The following COL25A1 variants were observed in gnomAD, a reference collection of about 807,000 sequenced individuals.
The protein encoded by COL25A1 is collagen type XXV alpha 1 chain, also known as collagen alpha-1(XXV) chain.
A neutral mutation model predicts 128.4 loss-of-function variants in COL25A1; 103 were observed. That is an observed-to-expected ratio of 0.80 (90% CI 0.68 to 0.94). The LOEUF is 0.94. Among genes scored for constraint, COL25A1 ranks in the 40% least tolerant of loss-of-function variants. The pLI, the probability that COL25A1 is intolerant of heterozygous loss-of-function variation, is 0.00. For missense variants in COL25A1, 745 were observed against 840.0 expected, an observed-to-expected ratio of 0.89 and a Z score of 1.40; for synonymous variants, 279 against 277.2, an observed-to-expected ratio of 1.01 and a Z score of -0.06.
At chr4:109,219,626 T>C (rs1778279669) in intron 3 of COL25A1, among the ~76,000 whole-genome samples, 1 of 152,156 alleles carries the variant, frequency 6.6e-6, no homozygotes, top group African/African-American at 2.4e-5. Flanking sequence ...ACGCCCTTAT[T>C]TTCAATAATT....
At chr4:109,135,911 C>A (rs972741492) in intron 3 of COL25A1, among the ~76,000 whole-genome samples, 1 of 152,172 alleles carries the variant, frequency 6.6e-6, no homozygotes. Flanking sequence ...ACTGTACAGA[C>A]TATACGCAGC....
intron 5 of COL25A1, among the ~76,000 whole-genome samples, chr4:109,013,413 T>C (rs965857443): frequency 6.6e-6 from 1 of 152,020 alleles, no homozygotes; most frequent in Non-Finnish European, 1.5e-5. Flanking sequence ...CAGCAGGATG[T>C]GGGTGGGGCC....
In COL25A1 at chr4:109,007,929, CT is replaced by C. The variant is rs371726409; in HGVS notation, c.438+2428del. On this transcript the variant is annotated intron_variant, in intron 6 of 37. Coordinates refer to ENST00000399132, the MANE Select transcript of COL25A1 (RefSeq NM_198721.4). The stretch of plus-strand genomic sequence containing the variant: ...TCTGTTTATTAACTGTGGCTGTATA[CT>C]CAAGATTTACTATGACTGTGTTTCT... 1.1e-4 allele frequency among the ~76,000 whole-genome samples: 16 copies of C among 152,324 alleles called. No homozygotes were observed. In the East Asian group the frequency reaches 1.7e-3, roughly 17 times the overall value.
intron 6 of COL25A1, among the ~76,000 whole-genome samples, chr4:109,005,285 A>T (rs1755855538): frequency 1.3e-5 from 2 of 152,164 alleles, no homozygotes; most frequent in African/African-American, 2.4e-5. Context: ...AGTCAGAAGA[A>T]CAGCACCAAG....
chr4:109,059,282 C>T (rs941073746), intron 3 of COL25A1, among the ~76,000 whole-genome samples: 3 of 152,164 alleles, frequency 2.0e-5, no homozygotes, highest in African/African-American at 4.8e-5. Flanking sequence ...AAGATTTGCT[C>T]AACAGCACAT....
intron 14 of COL25A1, among the ~76,000 whole-genome samples, chr4:108,900,909 A>T (rs1418112377): frequency 6.6e-6 from 1 of 152,152 alleles, no homozygotes; most frequent in Non-Finnish European, 1.5e-5. Flanking sequence ...ATCACATCCC[A>T]TTTATTTTTC....
intron 5 of COL25A1, among the ~76,000 whole-genome samples, chr4:109,034,796 A>G (rs1490336518): frequency 6.6e-6 from 1 of 152,208 alleles, no homozygotes; most frequent in Non-Finnish European, 1.5e-5. Context: ...TATATGCATC[A>G]CTTTGAAAGT....
At chr4:109,177,224 C>T (rs939467909) in intron 3 of COL25A1, among the ~76,000 whole-genome samples, 1 of 152,112 alleles carries the variant, frequency 6.6e-6, no homozygotes, top group Non-Finnish European at 1.5e-5. Flanking sequence ...TCTGTCGTTG[C>T]CTAGTTGCGT....
At chr4:108,850,870 A>G (rs1291147458) in intron 26 of COL25A1, among the ~76,000 whole-genome samples, 1 of 152,142 alleles carries the variant, frequency 6.6e-6, no homozygotes, top group Non-Finnish European at 1.5e-5. Context: ...TTTACCTAGG[A>G]GGTCCTTTTT....
In COL25A1 at chr4:108,930,406, C is replaced by T. The variant is rs143873064; in HGVS notation, c.708+7402G>A. 2.1e-3 allele frequency among the ~76,000 whole-genome samples: 322 copies of T among 152,278 alleles called. 2 individuals carry two copies. The highest frequency in any genetic ancestry group is 7.4e-3 in the African/African-American group (308 of 41,546). ...GTACTAAGGACTCCAGAATTCTCTG[C>T]CCCAATGACTTGAGCTCACTACAAA... On this transcript the variant is annotated intron_variant, in intron 11 of 37. Coordinates refer to ENST00000399132, the MANE Select transcript of COL25A1 (RefSeq NM_198721.4).
intron 8 of COL25A1, among the ~76,000 whole-genome samples, chr4:108,967,966 AC>A (rs773257446): frequency 6.6e-5 from 10 of 152,192 alleles, no homozygotes; most frequent in Non-Finnish European, 1.5e-4. Context: ...ATGCGTGGTG[AC>A]CGACAGCACA....
At chr4:109,048,597 G>A (rs909099490) in intron 4 of COL25A1, among the ~76,000 whole-genome samples, 1 of 152,082 alleles carries the variant, frequency 6.6e-6, no homozygotes, top group Non-Finnish European at 1.5e-5. Flanking sequence ...CCAATTATTT[G>A]TCCTTAGAAT....
At chr4:109,178,616 A>G (rs910634848) in intron 3 of COL25A1, among the ~76,000 whole-genome samples, 4 of 152,034 alleles carry the variant, frequency 2.6e-5, no homozygotes, top group Non-Finnish European at 5.9e-5. Flanking sequence ...TGAAGTCAGG[A>G]GATTGAGACT....
At chr4:109,111,594 TCAGA>T (rs1280578265) in intron 3 of COL25A1, among the ~76,000 whole-genome samples, 1 of 152,196 alleles carries the variant, frequency 6.6e-6, no homozygotes, top group East Asian at 1.9e-4. Context: ...AGATATGGCC[TCAGA>T]CAGTGGATAA....
In COL25A1 at chr4:108,863,376, C is replaced by T. The variant is rs367614775; in HGVS notation, c.1095G>A (p.Gly365=). Residue 365 remains glycine (G), a synonymous_variant, in exon 21 of 38, where the codon GGG becomes GGA. Coordinates refer to ENST00000399132, the MANE Select transcript of COL25A1 (RefSeq NM_198721.4). ...CACCTCTTCCAGGAGGCCCTGCTTC[C>T]CCCCGTTCACCCTGTCACAAATTGC... ...PGLPGTKGER[G]EAGPPGRGER... The T allele has an allele frequency of 1.9e-6, 3 of 1,613,612 alleles. No homozygotes were observed. The highest frequency in any genetic ancestry group is 1.3e-5 in the African/African-American group (1 of 74,880).
Position 109,137,984 on chromosome 4 carries a change from ATGTGTG to A in COL25A1, c.368-87811_368-87806del, listed in dbSNP as rs10700157. On this transcript the variant is annotated intron_variant, in intron 3 of 37. Transcript: ENST00000399132. Reference sequence around the variant, plus strand: ...AACAGAAATTTCATTTTATATATATATGTGTGTGTGTGTGTGTGTGTGTGTGTGTGT... The same window carrying A: ...AACAGAAATTTCATTTTATATATATATGTGTGTGTGTGTGTGTGTGTGTGT... Among the ~76,000 whole-genome samples, 839 of 142,588 alleles carry A rather than the reference ATGTGTG, an allele frequency of 5.9e-3. 5 individuals carry two copies. Among genetic ancestry groups the A allele is most frequent in the East Asian group, 0.026 (125 of 4,750 alleles). The allele number at this position is 142,588 out of a possible 152,430, so 93.5% of individuals were successfully genotyped here. A position where few individuals can be genotyped will look rare whatever the true frequency, so the allele number is the denominator to read the frequency against.
At chr4:109,170,307 C>T (rs1773468725) in intron 3 of COL25A1, among the ~76,000 whole-genome samples, 1 of 152,006 alleles carries the variant, frequency 6.6e-6, no homozygotes, top group Non-Finnish European at 1.5e-5. Flanking sequence ...GAAATCCATA[C>T]CAGTCCTTCT....
Position 108,813,848 on chromosome 4 carries a change from T to C in COL25A1, c.*79A>G. The stretch of plus-strand genomic sequence containing the variant: ...GTAAACATATCTCAGACTTGTAAAA[T>C]CTGCAATTCAGTTTTCAACTATAAA... On this transcript the variant is annotated 3_prime_UTR_variant, in exon 38 of 38. Transcript: ENST00000399132. The C allele has an allele frequency of 3.6e-6, 4 of 1,105,232 alleles. No homozygotes were observed. Among genetic ancestry groups the C allele is most frequent in the Non-Finnish European group, 5.4e-6 (4 of 737,870 alleles). The allele number at this position is 1,105,232 out of a possible 1,614,324, so 68.5% of individuals were successfully genotyped here.
At position 109,300,649 on chromosome 4, in the gene COL25A1, A is replaced by G; in HGVS notation, c.301T>C (p.Ser101Pro). ...EKVERLLAQK[S>P]YEHMAKIRIA... ...CTTATTTTAGCCATATGTTCATAGG[A>G]TTTCTGTAGGAAAAGAAGAGTTATT... The change falls in exon 3 of 38, where the codon TCC becomes CCC. Residue 101 changes from serine (S) to proline (P), a missense_variant. Around this residue, in one of 3 missense-constraint regions of COL25A1, gnomAD observed 319 missense variants for 324.9 expected, o/e 0.98. Transcript: ENST00000399132. 6.2e-7 allele frequency: 1 copy of G among 1,606,460 alleles called. No homozygotes were observed. Among genetic ancestry groups the G allele is most frequent in the Non-Finnish European group, 8.5e-7 (1 of 1,173,076 alleles).
Sources: gnomAD v4.1 joint callset for allele counts (sites outside exome capture counted in the v4.1 genomes callset) on GRCh38, gnomAD v4.1.1 for gene constraint, gnomAD v4.1.1 regional missense constraint, MANE v1.5 for transcripts, NCBI Gene and HGNC (gene_info 2026-07-23, HGNC 2026-07-21) for gene names.